The following CFAP97 variants were observed in gnomAD, a reference collection of about 807,000 sequenced individuals.
The protein encoded by CFAP97 is cilia- and flagella-associated protein 97.
In CFAP97, 36 loss-of-function variants were observed where a neutral mutation model predicts 43.1. The observed-to-expected ratio is 0.84, with a 90% confidence interval of 0.64 to 1.10. CFAP97 has a LOEUF of 1.10. Among genes scored for constraint, CFAP97 ranks in the 50% least tolerant of loss-of-function variants. The pLI, the probability that CFAP97 is intolerant of heterozygous loss-of-function variation, is 0.00. For synonymous variants in CFAP97, 228 were observed against 225.7 expected, an observed-to-expected ratio of 1.01 and a Z score of -0.09; for missense variants, 657 against 620.3, an observed-to-expected ratio of 1.06 and a Z score of -0.63.
At chr4:185,192,751 T>G (rs1439291167) in intron 1 of CFAP97, among the ~76,000 whole-genome samples, 16 of 36,926 alleles carry the variant, frequency 4.3e-4, no homozygotes, top group South Asian at 3.1e-3. Flanking sequence ...TTTTTTTTTT[T>G]TTTTTTTGAG....
At chr4:185,197,102 T>TAA (rs60986571) in intron 1 of CFAP97, among the ~76,000 whole-genome samples, 6,938 of 86,644 alleles carry the variant, frequency 0.08, 689 homozygotes, top group African/African-American at 0.24. Flanking sequence ...CCCTCTTAAT[T>TAA]AAAAAAAAAA....
chr4:185,185,633 C>CTTTTT (rs376786641), intron 2 of CFAP97, among the ~76,000 whole-genome samples: 14 of 105,956 alleles, frequency 1.3e-4, no homozygotes, highest in East Asian at 2.6e-4. Context: ...ATTTGCCAAC[C>CTTTTT]TTTTTTTTTT....
At position 185,184,818 on chromosome 4, in the gene CFAP97, T is replaced by C. The variant is rs183792964; in HGVS notation, c.1054+5325A>G. On this transcript the variant is annotated intron_variant, in intron 2 of 4. Coordinates refer to ENST00000458385, the MANE Select transcript of CFAP97 (RefSeq NM_020827.3). The stretch of plus-strand genomic sequence containing the variant: ...ATGGTTTTTAAAAACTTGACAATTC[T>C]AAGAGTTGAGTGTTTTCTTCCTGTA... Among the ~76,000 whole-genome samples the C allele has an allele frequency of 1.8e-4, 27 of 152,352 alleles. No individual in the cohort carries two copies. The South Asian group carries it at 5.0e-3, about 28-fold the overall frequency.
chr4:185,206,103 T>C (rs1015980485), upstream of CFAP97, among the ~76,000 whole-genome samples: 5 of 152,224 alleles, frequency 3.3e-5, no homozygotes, highest in Non-Finnish European at 7.3e-5. Flanking sequence ...TAGTATGGCA[T>C]GTTCTGAAAA....
rs545604728 is a variant in CFAP97 at position 185,209,378 on chromosome 4, A to T, written c.-127T>A. ...ACACCTGCAGCAAAATTTTCCATGA[A>T]CAGACGGCATCCTGTAGAGGAGGAG... On this transcript the variant is annotated 5_prime_UTR_variant, in exon 1 of 3. Coordinates refer to the CFAP97 transcript ENST00000503223. The surrounding 1 kb of genome is among the most constrained non-coding windows in gnomAD (Gnocchi z 5.2). The T allele has an allele frequency of 6.6e-6, 1 of 152,538 alleles. No homozygotes were observed. The highest frequency in any genetic ancestry group is 6.5e-5 in the Admixed American group (1 of 15,310). The allele number at this position is 152,538 out of a possible 1,614,324, so 9.4% of individuals were successfully genotyped here.
At chr4:185,189,858 C>T (rs1391312560) in intron 2 of CFAP97, among the ~76,000 whole-genome samples, 2 of 152,160 alleles carry the variant, frequency 1.3e-5, no homozygotes, top group East Asian at 3.8e-4. Context: ...TCTGGCTACC[C>T]TTCTCTCATT....
At chr4:185,207,470 G>A (rs897886341), upstream of CFAP97, among the ~76,000 whole-genome samples, 7 of 151,898 alleles carry the variant, frequency 4.6e-5, no homozygotes, top group East Asian at 1.9e-4. Flanking sequence ...CAGCCACCTC[G>A]GCTTCCCAAA....
chr4:185,179,593 A>G (rs1735703393), intron 2 of CFAP97, among the ~76,000 whole-genome samples: 1 of 152,126 alleles, frequency 6.6e-6, no homozygotes, highest in Admixed American at 6.5e-5. Context: ...CACATGGAGA[A>G]CCCCACATGG....
chr4:185,210,087 G>C, upstream of CFAP97: 1 of 978,586 alleles, frequency 1.0e-6, no homozygotes, highest in Non-Finnish European at 1.2e-6. This position sits in a 1 kb window ranked among gnomAD's most constrained non-coding sequence, Gnocchi z 4.4. Context: ...CCGCGGGGCT[G>C]AGCTCCGTCC....
Position 185,190,762 on chromosome 4 carries a change from G to A in CFAP97, c.435C>T (p.Tyr145=). 2 of 1,598,426 alleles carry A rather than the reference G, an allele frequency of 1.3e-6. No individual in the cohort carries two copies. The highest frequency in any genetic ancestry group is 8.5e-7 in the Non-Finnish European group (1 of 1,171,416). ...GEESSDDGKK[Y]HVKSKSAKPS... ...GTTTAGCGGACTTGGACTTCACATG[G>A]TATTTCTTCCCATCATCACTGCTTT... Residue 145 remains tyrosine (Y), a synonymous_variant, in exon 2 of 5, where the codon TAC becomes TAT. Coordinates refer to ENST00000458385, the MANE Select transcript of CFAP97 (RefSeq NM_020827.3).
chr4:185,164,164 G>A lies in CFAP97; in HGVS notation c.1336C>T (p.Leu446Phe). Reference protein sequence around the residue: ...ERENLALLKRLEAVKPTVGMK... With the variant: ...ERENLALLKRFEAVKPTVGMK... ...CCAACTGTTGGTTTCACGGCCTCAA[G>A]CCTTTTCAATAAAGCCTTCAATAAA... The change falls in exon 4 of 5, where the codon CTT becomes TTT. Residue 446 changes from leucine (L) to phenylalanine (F), a missense_variant. Coordinates refer to ENST00000458385, the MANE Select transcript of CFAP97 (RefSeq NM_020827.3). The A allele has an allele frequency of 6.2e-7, 1 of 1,613,748 alleles. No homozygotes were observed. Among genetic ancestry groups the A allele is most frequent in the Non-Finnish European group, 8.5e-7 (1 of 1,179,808 alleles).
chr4:185,193,912 G>A (rs180867395), intron 1 of CFAP97, among the ~76,000 whole-genome samples: 29 of 76,020 alleles, frequency 3.8e-4, no homozygotes, highest in African/African-American at 8.9e-4. Flanking sequence ...AAATAAATAA[G>A]GGAATTCTAA....
At chr4:185,199,659 G>C (rs1736735496) in intron 1 of CFAP97, among the ~76,000 whole-genome samples, 1 of 152,038 alleles carries the variant, frequency 6.6e-6, no homozygotes, top group African/African-American at 2.4e-5. Flanking sequence ...GAGGCAGCAA[G>C]ACTCTGTCCA....
chr4:185,183,843 G>T (rs550908933), intron 2 of CFAP97, among the ~76,000 whole-genome samples: 1 of 152,078 alleles, frequency 6.6e-6, no homozygotes, highest in Non-Finnish European at 1.5e-5. Flanking sequence ...CTTCTATCAG[G>T]GGTTCTTTAC....
At chr4:185,170,104 T>G (rs1735235625) in intron 3 of CFAP97, 2 of 1,174,768 alleles carry the variant, frequency 1.7e-6, no homozygotes, top group East Asian at 3.4e-5. Flanking sequence ...TCCTTGCTCT[T>G]TGGGAAGCTG....
chr4:185,189,113 T>C (rs1736124619), intron 2 of CFAP97, among the ~76,000 whole-genome samples: 1 of 152,146 alleles, frequency 6.6e-6, no homozygotes, highest in African/African-American at 2.4e-5. Flanking sequence ...GGGGCATGAC[T>C]GTGGTCCTAG....
At chr4:185,176,967 A>G (rs1735574373) in intron 2 of CFAP97, among the ~76,000 whole-genome samples, 1 of 152,220 alleles carries the variant, frequency 6.6e-6, no homozygotes, top group South Asian at 2.1e-4. Flanking sequence ...AGCTAGCAAC[A>G]ATATTTTGCA....
At chr4:185,176,414 G>A (rs763933169) in intron 2 of CFAP97, among the ~76,000 whole-genome samples, 5 of 151,780 alleles carry the variant, frequency 3.3e-5, no homozygotes, top group African/African-American at 4.8e-5. Flanking sequence ...TGCCTGGCCC[G>A]GTGGTACATG....
At chr4:185,163,828 GTTTC>G (rs1191150910) in intron 4 of CFAP97, among the ~76,000 whole-genome samples, 197 bp downstream of exon 4, 1 of 151,846 alleles carries the variant, frequency 6.6e-6, no homozygotes. Context: ...TTATCTCCTG[GTTTC>G]CTTCCTGTCA....
Sources: gnomAD v4.1 joint callset for allele counts (sites outside exome capture counted in the v4.1 genomes callset) on GRCh38, gnomAD v4.1.1 for gene constraint, Gnocchi (gnomAD v3.1) non-coding constraint, MANE v1.5 for transcripts, NCBI Gene and HGNC (gene_info 2026-07-23, HGNC 2026-07-21) for gene names.